The following LRRC4C variants were observed in gnomAD, a reference collection of about 807,000 sequenced individuals.
LRRC4C encodes the protein leucine-rich repeat-containing protein 4C.
Under a neutral mutation model 33.6 loss-of-function variants are expected in LRRC4C, and 5 were observed. That is an observed-to-expected ratio of 0.15 (90% CI 0.08 to 0.31). The LOEUF is 0.31. LRRC4C is among the 10% of genes least tolerant of loss of function. The probability of loss-of-function intolerance (pLI) is 1.00; values close to 1 mark genes in which losing one functional copy is unlikely to be tolerated. For synonymous variants in LRRC4C, 329 were observed against 302.0 expected (o/e 1.09, Z -0.93); for missense variants, 560 against 796.7 (o/e 0.70, Z 3.58).
At chr11:41,255,850 G>T (rs1948783490) in intron 1 of LRRC4C, among the ~76,000 whole-genome samples, 1 of 151,944 alleles carries the variant, frequency 6.6e-6, no homozygotes, top group Admixed American at 6.6e-5. Context: ...TGATTCTCTA[G>T]ATGTGCCCTT....
At chr11:41,394,529 A>G (rs1953730056) in intron 1 of LRRC4C, 1 of 151,916 alleles carries the variant, frequency 6.6e-6, no homozygotes, top group South Asian at 2.1e-4. Flanking sequence ...ATGTTCTCCA[A>G]TCAGCTCATC....
chr11:40,664,826 C>A (rs1459344719), intron 2 of LRRC4C, among the ~76,000 whole-genome samples: 2 of 151,912 alleles, frequency 1.3e-5, no homozygotes, highest in African/African-American at 4.8e-5. Context: ...GCACAACACG[C>A]ATGTTTTTTA....
intron 3 of LRRC4C, among the ~76,000 whole-genome samples, chr11:40,453,522 A>T (rs1168986700): frequency 2.6e-5 from 4 of 151,432 alleles, no homozygotes; most frequent in Non-Finnish European, 5.9e-5. Flanking sequence ...TGAATATAAA[A>T]CTCTTTTAAA....
chr11:41,311,564 T>G (rs1267495988), intron 1 of LRRC4C, among the ~76,000 whole-genome samples: 1 of 152,226 alleles, frequency 6.6e-6, no homozygotes, highest in Non-Finnish European at 1.5e-5. Flanking sequence ...TTAAGTATTA[T>G]GAATAACTCA....
At chr11:40,385,116 G>A (rs1302144871) in intron 3 of LRRC4C, among the ~76,000 whole-genome samples, 1 of 151,928 alleles carries the variant, frequency 6.6e-6, no homozygotes, top group African/African-American at 2.4e-5. Flanking sequence ...ATCTTCAGAG[G>A]CAGAGGCGGG....
intron 2 of LRRC4C, among the ~76,000 whole-genome samples, chr11:40,680,671 G>A (rs564992167): frequency 9.2e-5 from 14 of 152,196 alleles, no homozygotes; most frequent in East Asian, 1.9e-4. Context: ...CTTGCTTTCC[G>A]CCATGATTGT....
chr11:41,135,354 GGA>G (rs374478701), intron 1 of LRRC4C, among the ~76,000 whole-genome samples: 4 of 151,906 alleles, frequency 2.6e-5, no homozygotes, highest in African/African-American at 7.3e-5. Context: ...AGCTAGGGAA[GGA>G]GAGAGAGAGA....
chr11:41,076,552 G>A (rs191834633), intron 1 of LRRC4C, among the ~76,000 whole-genome samples: 49 of 152,216 alleles, frequency 3.2e-4, no homozygotes, highest in East Asian at 1.2e-3. Flanking sequence ...CTCAATTATC[G>A]CAAGAACAGC....
chr11:41,193,980 C>G (rs1946075082), intron 1 of LRRC4C, among the ~76,000 whole-genome samples: 1 of 151,878 alleles, frequency 6.6e-6, no homozygotes, highest in Non-Finnish European at 1.5e-5. Context: ...GCCTCCCCTT[C>G]CATCTCCTCC....
At chr11:40,442,467 TA>T (rs1377560322) in intron 3 of LRRC4C, among the ~76,000 whole-genome samples, 5 of 152,052 alleles carry the variant, frequency 3.3e-5, no homozygotes, top group African/African-American at 1.2e-4. Context: ...TAGACCAATA[TA>T]TAAATAATTG....
chr11:41,418,025 T>C (rs1200078245), intron 1 of LRRC4C, among the ~76,000 whole-genome samples: 2 of 151,698 alleles, frequency 1.3e-5, no homozygotes, highest in East Asian at 1.9e-4. Context: ...CACACACACA[T>C]ATGCTGGATC....
At chr11:40,408,120 G>C in intron 3 of LRRC4C, among the ~76,000 whole-genome samples, 1 of 152,120 alleles carries the variant, frequency 6.6e-6, no homozygotes, top group Admixed American at 6.6e-5. Flanking sequence ...AATCGGATAT[G>C]AGATTCCTAC....
In LRRC4C at chr11:40,274,246, G is replaced by A. The variant is rs113311654; in HGVS notation, c.-175-32648C>T. 7.2e-5 allele frequency among the ~76,000 whole-genome samples: 11 copies of A among 152,082 alleles called. 3 individuals are homozygous for A. The highest frequency in any genetic ancestry group is 2.4e-4 in the African/African-American group (10 of 41,498). On this transcript the variant is annotated intron_variant, in intron 4 of 6. Coordinates refer to ENST00000528697, the MANE Select transcript of LRRC4C (RefSeq NM_001258419.2). Reference sequence around the variant, plus strand: ...AGTGTGGGAAGTCAAAGGAGATTCCGGAGGGGAGGGAAAGATTCCCGTCAA... The same window carrying A: ...AGTGTGGGAAGTCAAAGGAGATTCCAGAGGGGAGGGAAAGATTCCCGTCAA...
intron 6 of LRRC4C, among the ~76,000 whole-genome samples, chr11:40,132,110 A>T (rs1856683405): frequency 6.6e-6 from 1 of 152,244 alleles, no homozygotes. Context: ...AAAAAGTTTA[A>T]GTTCCATACA....
chr11:41,221,195 C>T (rs189801732), intron 1 of LRRC4C, among the ~76,000 whole-genome samples: 2 of 147,992 alleles, frequency 1.4e-5, no homozygotes, highest in Admixed American at 6.8e-5. Flanking sequence ...TGTGCCCAAA[C>T]AAATTTACAA....
At chr11:41,077,339 C>T (rs1256061218) in intron 1 of LRRC4C, among the ~76,000 whole-genome samples, 1 of 152,212 alleles carries the variant, frequency 6.6e-6, no homozygotes, top group African/African-American at 2.4e-5. Context: ...GAAGGCTCTG[C>T]CCCAGCAGCA....
intron 1 of LRRC4C, among the ~76,000 whole-genome samples, chr11:41,245,269 G>A (rs75782497): frequency 0.043 from 6,499 of 152,254 alleles, 178 homozygotes; most frequent in South Asian, 0.066. Context: ...GGCTTGTTCC[G>A]CCCACTCAGC....
At chr11:40,632,227 A>G (rs17410924) in intron 3 of LRRC4C, among the ~76,000 whole-genome samples, 35,579 of 152,200 alleles carry the variant, frequency 0.23, 5,205 homozygotes, top group Middle Eastern at 0.33. Context: ...TTTGTTTTGA[A>G]AAAGCTGGCC....
At chr11:41,339,219 T>C (rs1236551172) in intron 1 of LRRC4C, among the ~76,000 whole-genome samples, 3 of 152,340 alleles carry the variant, frequency 2.0e-5, no homozygotes, top group South Asian at 2.1e-4. Context: ...ACAATGAAGA[T>C]GATAACTTAA....
Sources: allele counts gnomAD v4.1 joint callset (sites outside exome capture counted in the v4.1 genomes callset), GRCh38; gene constraint gnomAD v4.1.1; transcripts MANE v1.5; gene names NCBI Gene and HGNC (gene_info 2026-07-23, HGNC 2026-07-21).